Variants in SLX4IP observed in about 807,000 individuals in gnomAD.
SLX4IP encodes SLX4 interacting protein, also known as protein SLX4IP.
In SLX4IP, 34 loss-of-function variants were observed where a neutral mutation model predicts 32.9. The observed-to-expected ratio is 1.03, with a 90% CI of 0.79 to 1.38. SLX4IP has a LOEUF of 1.38. Ranked by LOEUF, SLX4IP falls within the 40% of genes most tolerant of loss-of-function variation. The probability of loss-of-function intolerance (pLI) is 0.00; values close to 1 mark genes in which losing one functional copy is unlikely to be tolerated. For missense variants in SLX4IP, 444 were observed against 479.0 expected (o/e 0.93, Z 0.68); for synonymous variants, 172 against 171.7 (o/e 1.00, Z -0.01).
chr20:10,571,275 C>T (rs1397455734), intron 4 of SLX4IP, among the ~76,000 whole-genome samples: 1 of 152,164 alleles, frequency 6.6e-6, no homozygotes, highest in African/African-American at 2.4e-5. Flanking sequence ...GACCTGGAGG[C>T]TTTTGCAGTC....
chr20:10,544,763 T>G (rs2066145078), intron 2 of SLX4IP, among the ~76,000 whole-genome samples: 1 of 152,180 alleles, frequency 6.6e-6, no homozygotes, highest in South Asian at 2.1e-4. Context: ...AAATGGTGAT[T>G]TTTTTACTTG....
chr20:10,534,076 G>A (rs1807061419), intron 2 of SLX4IP, among the ~76,000 whole-genome samples: 1 of 152,110 alleles, frequency 6.6e-6, no homozygotes, highest in African/African-American at 2.4e-5. Flanking sequence ...TGTCTCAGCC[G>A]AGGCAGGGTG....
intron 2 of SLX4IP, among the ~76,000 whole-genome samples, chr20:10,500,761 T>TAATA (rs1333586797): frequency 1.3e-5 from 2 of 152,034 alleles, no homozygotes; most frequent in African/African-American, 2.4e-5. Flanking sequence ...AAAAAATAAA[T>TAATA]AAAATAAGTA....
At chr20:10,549,740 A>T (rs1016924926) in intron 2 of SLX4IP, among the ~76,000 whole-genome samples, 4 of 152,198 alleles carry the variant, frequency 2.6e-5, no homozygotes, top group African/African-American at 9.7e-5. Flanking sequence ...TTCCTTATCT[A>T]CGAAATGCAA....
At chr20:10,584,172 AAAAG>A (rs1477002584) in intron 4 of SLX4IP, among the ~76,000 whole-genome samples, 1 of 152,234 alleles carries the variant, frequency 6.6e-6, no homozygotes, top group Non-Finnish European at 1.5e-5. Context: ...AGTTAAAACA[AAAAG>A]AAAGAAAGAA....
chr20:10,589,939 A>T lies in SLX4IP; in HGVS notation c.239-8736A>T, dbSNP rs1028108192. ...TATGTTACTTTTAATTAGGAAAAAA[A>T]TTTTTTTTACTTTGAATTTTTTTTA... On this transcript the variant is annotated intron_variant, in intron 4 of 7. Coordinates refer to ENST00000334534, the MANE Select transcript of SLX4IP (RefSeq NM_001009608.3). Among the ~76,000 whole-genome samples, 26 of 151,972 alleles carry T rather than the reference A, an allele frequency of 1.7e-4. No homozygotes were observed. In the East Asian group the frequency reaches 1.9e-3, roughly 11 times the overall value.
chr20:10,626,780 A>G lies in SLX4IP; in HGVS notation c.*3401A>G, dbSNP rs914858205. ...AGTGCTGTAGTTCTTTTGTTCACTTATTTTAATACTATAGAAGTGTATTTC... is the reference window on the plus strand; with the variant it reads ...AGTGCTGTAGTTCTTTTGTTCACTTGTTTTAATACTATAGAAGTGTATTTC... On this transcript the variant is annotated 3_prime_UTR_variant, in exon 8 of 8. Transcript: ENST00000334534. 6.6e-6 allele frequency: 1 copy of G among 152,174 alleles called. No individual in the cohort carries two copies. The highest frequency in any genetic ancestry group is 1.5e-5 in the Non-Finnish European group (1 of 68,020). The allele number at this position is 152,174 out of a possible 1,614,324, so 9.4% of individuals were successfully genotyped here.
rs532614694 is a variant in SLX4IP at position 10,565,674 on chromosome 20, A to G, written c.238+4854A>G. Among the ~76,000 whole-genome samples, 31 of 152,358 alleles carry G rather than the reference A, an allele frequency of 2.0e-4. No homozygotes were observed. In the South Asian group the frequency reaches 6.0e-3, roughly 29 times the overall value. ...TCAAAACATAGGATGATGGTCAACA[A>G]TTTTGAGTGGGTGGACACAAGTTAC... On this transcript the variant is annotated intron_variant, in intron 4 of 7. Transcript: ENST00000334534.
chr20:10,450,235 T>C (rs1171803132), intron 1 of SLX4IP, among the ~76,000 whole-genome samples: 1 of 152,216 alleles, frequency 6.6e-6, no homozygotes, highest in Non-Finnish European at 1.5e-5. Context: ...AACTGTCCCC[T>C]TTTTCCTGGT....
chr20:10,471,057 CAAATT>C (rs2065420521), intron 2 of SLX4IP, among the ~76,000 whole-genome samples: 1 of 152,092 alleles, frequency 6.6e-6, no homozygotes, highest in African/African-American at 2.4e-5. Context: ...TTTTGGATAT[CAAATT>C]AATATAAAAG....
chr20:10,451,076 T>TAAA (rs139948222), intron 1 of SLX4IP, among the ~76,000 whole-genome samples: 74,363 of 151,742 alleles, frequency 0.49, 19,664 homozygotes, highest in Non-Finnish European at 0.6. Context: ...GTATGTCATT[T>TAAA]TATTTAGTCC....
intron 6 of SLX4IP, among the ~76,000 whole-genome samples, chr20:10,620,880 T>C (rs1469989348): frequency 1.3e-5 from 2 of 152,172 alleles, no homozygotes; most frequent in African/African-American, 4.8e-5. Flanking sequence ...TTTTTGCAGA[T>C]AGAGAAAATA....
At chr20:10,578,280 T>TG (rs2066545067) in intron 4 of SLX4IP, among the ~76,000 whole-genome samples, 1 of 152,222 alleles carries the variant, frequency 6.6e-6, no homozygotes, top group Non-Finnish European at 1.5e-5. Flanking sequence ...GCTTACTTTC[T>TG]GTCTCTATGG....
chr20:10,518,444 T>TCCC lies in SLX4IP; in HGVS notation c.28-37787_28-37786insCCC, dbSNP rs1568720028. 4.7e-3 allele frequency among the ~76,000 whole-genome samples: 389 copies of TCCC among 82,534 alleles called. 9 individuals are homozygous for TCCC. The highest frequency in any genetic ancestry group is 0.014 in the African/African-American group (370 of 26,810). 54.1% of individuals were successfully genotyped at this position (82,534 alleles called of 152,430 possible). ...CCTTCCCTCCCTCCCTCCTTCTTCC[T>TCCC]TCCTTCCTTCCTTCCTTCCTTTCCT... On this transcript the variant is annotated intron_variant, in intron 2 of 7. Transcript: ENST00000334534.
intron 2 of SLX4IP, among the ~76,000 whole-genome samples, chr20:10,472,789 C>G (rs1043198498): frequency 1.3e-5 from 2 of 152,172 alleles, no homozygotes; most frequent in African/African-American, 4.8e-5. Context: ...GGTGTTAGCA[C>G]CCATCCCTTT....
chr20:10,584,052 C>T (rs1728712900), intron 4 of SLX4IP, among the ~76,000 whole-genome samples: 1 of 151,914 alleles, frequency 6.6e-6, no homozygotes, highest in Admixed American at 6.6e-5. Context: ...ACATATCAGC[C>T]CAATATACAT....
chr20:10,560,334 A>C (rs567888282), intron 3 of SLX4IP, among the ~76,000 whole-genome samples: 30 of 152,222 alleles, frequency 2.0e-4, no homozygotes, highest in African/African-American at 6.3e-4. Context: ...TATTTCTTCT[A>C]TTTGTCACAG....
At chr20:10,500,870 T>G (rs1283829887) in intron 2 of SLX4IP, among the ~76,000 whole-genome samples, 1 of 152,232 alleles carries the variant, frequency 6.6e-6, no homozygotes, top group Non-Finnish European at 1.5e-5. Flanking sequence ...CAACCAGTTT[T>G]GTTTTATGGA....
intron 4 of SLX4IP, among the ~76,000 whole-genome samples, chr20:10,596,781 G>A (rs1398594138): frequency 1.3e-5 from 2 of 152,104 alleles, no homozygotes; most frequent in Non-Finnish European, 2.9e-5. Flanking sequence ...TCAGCAGTTG[G>A]ACAAATAAAC....
Sources: allele counts gnomAD v4.1 joint callset (sites outside exome capture counted in the v4.1 genomes callset), GRCh38; gene constraint gnomAD v4.1.1; transcripts MANE v1.5; gene names NCBI Gene and HGNC (gene_info 2026-07-23, HGNC 2026-07-21).